The following ANKS1B variants were observed in gnomAD, a reference collection of about 807,000 sequenced individuals.
ANKS1B encodes the protein ankyrin repeat and sterile alpha motif domain-containing protein 1B.
ANKS1B carries 36 observed loss-of-function variants against 148.3 expected under a neutral mutation model. That is an observed-to-expected ratio of 0.24 (90% CI 0.19 to 0.32). ANKS1B has a LOEUF of 0.32. ANKS1B is among the 10% of genes least tolerant of loss of function. The pLI is 1.00. For missense variants in ANKS1B, 1,157 were observed against 1,542.6 expected, an observed-to-expected ratio of 0.75 and a Z score of 4.19; for synonymous variants, 542 against 560.8, an observed-to-expected ratio of 0.97 and a Z score of 0.47.
chr12:99,209,180 T>C lies in ANKS1B; in HGVS notation c.2419+35162A>G, dbSNP rs535927077. Reference sequence around the variant, plus strand: ...TTCCAGAGGTTTTCAAAAGTCCAATTTGAGATTCCTTATTAAAGGTTCCAG... The same window carrying C: ...TTCCAGAGGTTTTCAAAAGTCCAATCTGAGATTCCTTATTAAAGGTTCCAG... On this transcript the variant is annotated intron_variant, in intron 14 of 26. Transcript: ENST00000683438. Among the ~76,000 whole-genome samples the C allele has an allele frequency of 2.6e-5, 4 of 152,304 alleles. 1 individual carries two copies. Among genetic ancestry groups the C allele is most frequent in the African/African-American group, 9.6e-5 (4 of 41,572 alleles).
At chr12:99,216,473 A>G (rs2084212864) in intron 14 of ANKS1B, among the ~76,000 whole-genome samples, 1 of 152,210 alleles carries the variant, frequency 6.6e-6, no homozygotes, top group South Asian at 2.1e-4. Flanking sequence ...TTTTTACTAG[A>G]AAGTTGTAAA....
chr12:99,191,904 C>A (rs1405425246), intron 14 of ANKS1B, among the ~76,000 whole-genome samples: 2 of 151,926 alleles, frequency 1.3e-5, no homozygotes, highest in Admixed American at 6.6e-5. Flanking sequence ...GAGGCCAAGG[C>A]GGGCAGATCA....
At chr12:99,876,081 A>C (rs1352936908) in intron 1 of ANKS1B, among the ~76,000 whole-genome samples, 1 of 152,184 alleles carries the variant, frequency 6.6e-6, no homozygotes, top group African/African-American at 2.4e-5. Flanking sequence ...AGGGGGCAAA[A>C]GGAAAAGCAA....
At chr12:98,799,568 C>T (rs990040985) in intron 21 of ANKS1B, among the ~76,000 whole-genome samples, 10 of 151,814 alleles carry the variant, frequency 6.6e-5, no homozygotes, top group Non-Finnish European at 1.2e-4. Flanking sequence ...CAGTTGTTTC[C>T]CAGGGGAAGA....
intron 17 of ANKS1B, among the ~76,000 whole-genome samples, chr12:98,834,379 A>C (rs1022618758): frequency 6.6e-6 from 1 of 152,184 alleles, no homozygotes; most frequent in Non-Finnish European, 1.5e-5. Context: ...TACCCGTTTA[A>C]AATGTCCTTC....
intron 4 of ANKS1B, among the ~76,000 whole-genome samples, chr12:99,783,682 C>T (rs1198538551): frequency 6.6e-6 from 1 of 151,954 alleles, no homozygotes; most frequent in African/African-American, 2.4e-5. Context: ...AAAAGTTGGA[C>T]CCATAGAAGT....
At chr12:99,706,125 G>T (rs1434751892) in intron 8 of ANKS1B, among the ~76,000 whole-genome samples, 1 of 152,056 alleles carries the variant, frequency 6.6e-6, no homozygotes, top group African/African-American at 2.4e-5. Flanking sequence ...ACATGTGTGT[G>T]CTTGTGTGGG....
At chr12:99,450,125 A>T (rs529153873) in intron 10 of ANKS1B, among the ~76,000 whole-genome samples, 11 of 152,250 alleles carry the variant, frequency 7.2e-5, no homozygotes, top group Admixed American at 2.6e-4. Context: ...AGGTTGGCAG[A>T]CTCGAAGTCA....
At chr12:99,567,192 G>A (rs941365526) in intron 9 of ANKS1B, among the ~76,000 whole-genome samples, 16 of 152,234 alleles carry the variant, frequency 1.1e-4, no homozygotes, top group Middle Eastern at 3.4e-3. Flanking sequence ...GACTCAGGCC[G>A]TCAGTTTATA....
intron 9 of ANKS1B, among the ~76,000 whole-genome samples, chr12:99,644,710 T>C (rs1458042119): frequency 1.3e-5 from 2 of 152,198 alleles, no homozygotes; most frequent in Non-Finnish European, 2.9e-5. Context: ...TACCACAAAC[T>C]TAGTTGCTTA....
chr12:99,661,529 G>C (rs1162123152), intron 8 of ANKS1B, among the ~76,000 whole-genome samples: 1 of 152,058 alleles, frequency 6.6e-6, no homozygotes, highest in East Asian at 1.9e-4. Flanking sequence ...CCTTGGTTTG[G>C]TCCAGGAACA....
chr12:99,106,149 C>T (rs1490200386), intron 15 of ANKS1B, among the ~76,000 whole-genome samples: 3 of 152,140 alleles, frequency 2.0e-5, no homozygotes, highest in Admixed American at 6.5e-5. Flanking sequence ...TATCTGAGGA[C>T]GATTTTTCCA....
chr12:99,233,952 C>CA lies in ANKS1B; in HGVS notation c.2419+10389dup, dbSNP rs1033804787. 4.0e-5 allele frequency among the ~76,000 whole-genome samples: 6 copies of CA among 151,616 alleles called. No individual in the cohort carries two copies. The South Asian group carries it at 6.3e-4, about 16-fold the overall frequency. Reference sequence around the variant, plus strand: ...TAGAAATGTGTAGGGGTGGGGACAACAAAAAAAATGCTGAGACAAAATAGG... The same window carrying CA: ...TAGAAATGTGTAGGGGTGGGGACAACAAAAAAAAATGCTGAGACAAAATAGG... On this transcript the variant is annotated intron_variant, in intron 14 of 26. Transcript: ENST00000683438.
At chr12:99,264,101 C>T (rs190403775) in intron 12 of ANKS1B, among the ~76,000 whole-genome samples, 53 of 152,096 alleles carry the variant, frequency 3.5e-4, no homozygotes, top group African/African-American at 1.3e-3. Flanking sequence ...TGACTTTTTC[C>T]TTATCCTTGA....
At chr12:99,051,070 C>T (rs1382280544) in intron 17 of ANKS1B, among the ~76,000 whole-genome samples, 1 of 152,072 alleles carries the variant, frequency 6.6e-6, no homozygotes, top group Non-Finnish European at 1.5e-5. Flanking sequence ...TCCCTAAGCC[C>T]CGGCAGTAAA....
At chr12:99,133,869 A>G (rs73371908) in intron 15 of ANKS1B, among the ~76,000 whole-genome samples, 9,476 of 152,292 alleles carry the variant, frequency 0.062, 982 homozygotes, top group African/African-American at 0.22. Context: ...AGTGCCTGAC[A>G]TGAATGGAAT....
intron 12 of ANKS1B, among the ~76,000 whole-genome samples, chr12:99,298,461 T>C (rs912989565): frequency 1.3e-5 from 2 of 152,198 alleles, no homozygotes; most frequent in African/African-American, 4.8e-5. Flanking sequence ...CCTTCTGCCA[T>C]GATTGTGAGG....
intron 8 of ANKS1B, among the ~76,000 whole-genome samples, chr12:99,669,979 A>G (rs2098528825): frequency 6.6e-6 from 1 of 152,144 alleles, no homozygotes; most frequent in African/African-American, 2.4e-5. Context: ...TCTTTTATCC[A>G]GGTCTGATCA....
intron 12 of ANKS1B, among the ~76,000 whole-genome samples, chr12:99,367,874 A>G (rs1213859166): frequency 6.6e-6 from 1 of 152,108 alleles, no homozygotes; most frequent in Admixed American, 6.6e-5. Context: ...TAGGGAATAG[A>G]TGGAAAGAAG....
Sources: gnomAD v4.1 joint callset for allele counts (sites outside exome capture counted in the v4.1 genomes callset) on GRCh38, gnomAD v4.1.1 for gene constraint, MANE v1.5 for transcripts, NCBI Gene and HGNC (gene_info 2026-07-23, HGNC 2026-07-21) for gene names.